The following GRIK4 variants were observed in gnomAD, a reference collection of about 807,000 sequenced individuals.
The protein encoded by GRIK4 is glutamate ionotropic receptor kainate type subunit 4, also known as glutamate receptor ionotropic, kainate 4.
Under a neutral mutation model 104.9 loss-of-function variants are expected in GRIK4, and 40 were observed. That is an observed-to-expected ratio of 0.38 (90% confidence interval 0.30 to 0.50). GRIK4 has a LOEUF of 0.50. GRIK4 is among the 20% of genes least tolerant of loss of function. The pLI is 0.93. For synonymous variants in GRIK4, 485 were observed against 524.9 expected, an observed-to-expected ratio of 0.92 and a Z score of 1.04; for missense variants, 1,047 against 1,308.1, an observed-to-expected ratio of 0.80 and a Z score of 3.08.
intron 1 of GRIK4, among the ~76,000 whole-genome samples, chr11:120,596,488 G>T (rs551114959): frequency 6.6e-6 from 1 of 152,294 alleles, no homozygotes; most frequent in South Asian, 2.1e-4. Flanking sequence ...GACAGAGTGG[G>T]GTTCAAGCCA....
intron 3 of GRIK4, among the ~76,000 whole-genome samples, chr11:120,753,909 T>C (rs1033454462): frequency 6.6e-6 from 1 of 152,204 alleles, no homozygotes; most frequent in African/African-American, 2.4e-5. Flanking sequence ...ACTTTTCCAA[T>C]TTTTTCAGCA....
chr11:120,826,689 G>A (rs965255831), intron 6 of GRIK4, among the ~76,000 whole-genome samples: 1 of 152,160 alleles, frequency 6.6e-6, no homozygotes, highest in African/African-American at 2.4e-5. Context: ...GGCCACCTAC[G>A]GTCCACCTGT....
chr11:120,687,121 GTTATT>G (rs1280609423), intron 3 of GRIK4, among the ~76,000 whole-genome samples: 2 of 152,220 alleles, frequency 1.3e-5, no homozygotes, highest in African/African-American at 2.4e-5. Flanking sequence ...TCTTATGTGT[GTTATT>G]TAATTTTGTC....
chr11:120,708,902 A>G (rs1376170482), intron 3 of GRIK4, among the ~76,000 whole-genome samples: 2 of 142,356 alleles, frequency 1.4e-5, no homozygotes, highest in Non-Finnish European at 3.0e-5. Context: ...GGACTCCAGC[A>G]AGCCGGCTGG....
intron 11 of GRIK4, among the ~76,000 whole-genome samples, chr11:120,895,494 C>T (rs1165179910): frequency 6.6e-6 from 1 of 152,118 alleles, no homozygotes; most frequent in African/African-American, 2.4e-5. Flanking sequence ...TGTGGAGTGT[C>T]AAGACCAAGG....
At chr11:120,924,522 A>G (rs1470405340) in intron 13 of GRIK4, among the ~76,000 whole-genome samples, 1 of 152,130 alleles carries the variant, frequency 6.6e-6, no homozygotes, top group Non-Finnish European at 1.5e-5. Context: ...GTGATCAATC[A>G]CTGTCCGGAT....
intron 1 of GRIK4, among the ~76,000 whole-genome samples, chr11:120,645,898 T>C (rs1949537680): frequency 6.6e-6 from 1 of 152,212 alleles, no homozygotes; most frequent in Non-Finnish European, 1.5e-5. Context: ...TGCCGGGTTT[T>C]GTTGCTGAGC....
At chr11:120,917,897 G>T (rs1372614074) in intron 13 of GRIK4, among the ~76,000 whole-genome samples, 1 of 152,224 alleles carries the variant, frequency 6.6e-6, no homozygotes, top group Non-Finnish European at 1.5e-5. Context: ...CAAAGGAAAT[G>T]AAAATGTATT....
intron 4 of GRIK4, among the ~76,000 whole-genome samples, chr11:120,813,182 G>A (rs1231456067): frequency 6.6e-6 from 1 of 152,126 alleles, no homozygotes; most frequent in African/African-American, 2.4e-5. Context: ...AAAGTAAGTG[G>A]CTGTGAGAGA....
At chr11:120,772,988 G>C (rs1228836792) in intron 3 of GRIK4, among the ~76,000 whole-genome samples, 1 of 152,212 alleles carries the variant, frequency 6.6e-6, no homozygotes, top group East Asian at 1.9e-4. Context: ...CATATTTGTT[G>C]AGCATCTAGA....
chr11:120,511,791 G>A lies in GRIK4; in HGVS notation c.-255G>A. On this transcript the variant is annotated 5_prime_UTR_variant, in exon 1 of 21. Transcript: ENST00000527524. ...GGCGGATCGGGCTGGAGCCGCCACGGCTGCTGCGGAAGAGGAAAAACGGCC... is the reference window on the plus strand; with the variant it reads ...GGCGGATCGGGCTGGAGCCGCCACGACTGCTGCGGAAGAGGAAAAACGGCC... 2.8e-6 allele frequency: 1 copy of A among 360,770 alleles called. No homozygotes were observed. Among genetic ancestry groups the A allele is most frequent in the Non-Finnish European group, 5.6e-6 (1 of 178,714 alleles). 22.3% of individuals were successfully genotyped at this position (360,770 alleles called of 1,614,324 possible). A position where few individuals can be genotyped will look rare whatever the true frequency, so the allele number is the denominator to read the frequency against.
intron 11 of GRIK4, among the ~76,000 whole-genome samples, chr11:120,897,601 C>CAAAAAAAAA (rs56807699): frequency 1.1e-3 from 15 of 13,056 alleles, no homozygotes; most frequent in Non-Finnish European, 1.2e-3. Context: ...GACTCCTTCT[C>CAAAAAAAAA]AAAAAAAAAA....
rs1308501275 is a variant in GRIK4 at position 120,939,660 on chromosome 11, G to A, written c.1477-687G>A. Among the ~76,000 whole-genome samples the A allele has an allele frequency of 6.6e-6, 1 of 152,158 alleles. No individual in the cohort carries two copies. Among genetic ancestry groups the A allele is most frequent in the Non-Finnish European group, 1.5e-5 (1 of 68,032 alleles). ...CACCATAAGCAGTCAGTGGAGTTTT[G>A]TCAACTGAACGAAACAAACACTACT... On this transcript the variant is annotated intron_variant, in intron 13 of 20. Coordinates refer to ENST00000527524, the MANE Select transcript of GRIK4 (RefSeq NM_014619.5). The surrounding 1 kb of genome is among the most constrained non-coding windows in gnomAD (Gnocchi z 5.6).
intron 9 of GRIK4, among the ~76,000 whole-genome samples, chr11:120,864,769 G>T (rs1173204620): frequency 6.6e-6 from 1 of 152,142 alleles, no homozygotes; most frequent in Admixed American, 6.5e-5. Flanking sequence ...TTCCTAGTGG[G>T]CTTCTTTGTA....
intron 3 of GRIK4, among the ~76,000 whole-genome samples, chr11:120,782,841 C>T (rs1310506972): frequency 1.3e-5 from 2 of 152,142 alleles, no homozygotes; most frequent in Non-Finnish European, 2.9e-5. Flanking sequence ...GGACTTTTGG[C>T]AGTATCTGGA....
chr11:120,826,035 A>T (rs531302878), intron 6 of GRIK4, among the ~76,000 whole-genome samples: 7 of 152,340 alleles, frequency 4.6e-5, no homozygotes, highest in African/African-American at 1.7e-4. Flanking sequence ...GGAAGGTCAC[A>T]GTCCTCCCAT....
intron 1 of GRIK4, among the ~76,000 whole-genome samples, chr11:120,650,264 C>T (rs1949600205): frequency 6.6e-6 from 1 of 152,208 alleles, no homozygotes; most frequent in African/African-American, 2.4e-5. Flanking sequence ...GAGCCTTATC[C>T]TAGACCAAGG....
intron 16 of GRIK4, among the ~76,000 whole-genome samples, chr11:120,959,181 C>T (rs192479757): frequency 6.6e-6 from 1 of 152,256 alleles, no homozygotes; most frequent in African/African-American, 2.4e-5. Context: ...CATGATTATC[C>T]CCATATATTT....
At chr11:120,682,921 G>A (rs1452687530) in intron 3 of GRIK4, among the ~76,000 whole-genome samples, 2 of 151,978 alleles carry the variant, frequency 1.3e-5, no homozygotes, top group Non-Finnish European at 2.9e-5. Context: ...TGTCTGCCTG[G>A]TGAATGCTTA....
Sources: allele counts gnomAD v4.1 joint callset (sites outside exome capture counted in the v4.1 genomes callset), GRCh38; gene constraint gnomAD v4.1.1; non-coding constraint Gnocchi (gnomAD v3.1); transcripts MANE v1.5; gene names NCBI Gene and HGNC (gene_info 2026-07-23, HGNC 2026-07-21).